The following COL4A6 variants were observed in gnomAD, a reference collection of about 807,000 sequenced individuals.
COL4A6 encodes the protein collagen type IV alpha 6 chain, also known as collagen alpha-6(IV) chain.
COL4A6 carries 59 observed loss-of-function variants against 126.7 expected under a neutral mutation model. That is an observed-to-expected ratio of 0.47 (90% CI 0.38 to 0.58). The LOEUF (loss-of-function observed/expected upper bound fraction) is 0.58, where lower values mean the gene tolerates loss of function less well. Among genes scored for constraint, COL4A6 ranks in the 20% least tolerant of loss-of-function variants. The pLI is 0.00. For missense variants in COL4A6, 1,285 were observed against 1,337.3 expected (o/e 0.96, Z 0.61); for synonymous variants, 547 against 496.6 (o/e 1.10, Z -1.35).
chrX:108,170,592 C>T lies in COL4A6; in HGVS notation c.3493+17G>A, dbSNP rs757543477. 3.8e-5 allele frequency: 44 copies of T among 1,161,988 alleles called. No homozygotes were observed. Among genetic ancestry groups the T allele is most frequent in the Non-Finnish European group, 4.9e-5 (42 of 855,747 alleles). ...GGGAAAGACTTTTCCCCACTGCCTG[C>T]TCCCAAATACACATACCTTTGGGTC... On this transcript the variant is annotated intron_variant, in intron 35 of 44. Coordinates refer to ENST00000334504, the MANE Select transcript of COL4A6 (RefSeq NM_033641.4).
At chrX:108,298,591 G>A (rs372830074) in intron 3 of COL4A6, among the ~76,000 whole-genome samples, 6 of 111,307 alleles carry the variant, frequency 5.4e-5, no homozygotes, top group East Asian at 5.8e-4. Flanking sequence ...AGGATCTTTC[G>A]GGGATGCTGT....
intron 35 of COL4A6, among the ~76,000 whole-genome samples, chrX:108,170,343 C>G (rs1326709464): frequency 1.8e-5 from 2 of 112,047 alleles, no homozygotes; most frequent in African/African-American, 6.5e-5. Flanking sequence ...AACTCACTGC[C>G]CAATCTCTAA....
chrX:108,182,819 C>T (rs147012503), intron 23 of COL4A6, among the ~76,000 whole-genome samples: 1,513 of 112,410 alleles, frequency 0.013, 22 homozygotes, highest in African/African-American at 0.047. Context: ...ATAAAAATAT[C>T]CCTGGGCTGG....
chrX:108,201,824 C>G (rs2035398806), intron 13 of COL4A6, among the ~76,000 whole-genome samples: 1 of 111,477 alleles, frequency 9.0e-6, no homozygotes, highest in African/African-American at 3.3e-5. Flanking sequence ...TCCACCCTTC[C>G]CATTCCCTCT....
At chrX:108,225,778 C>A (rs1367887533) in intron 3 of COL4A6, among the ~76,000 whole-genome samples, 1 of 112,889 alleles carries the variant, frequency 8.9e-6, no homozygotes, top group Non-Finnish European at 1.9e-5. Context: ...AGGGGGCTGA[C>A]TTTTCATAAC....
Position 108,205,360 on chromosome X carries a change from C to T in COL4A6, c.687+79G>A. The T allele has an allele frequency of 6.1e-6, 5 of 816,148 alleles. No homozygotes were observed. The South Asian group carries it at 1.1e-4, about 18-fold the overall frequency. The allele number at this position is 816,148 out of a possible 1,213,427, so 67.3% of individuals were successfully genotyped here. A position where few individuals can be genotyped will look rare whatever the true frequency, so the allele number is the denominator to read the frequency against. On this transcript the variant is annotated intron_variant, in intron 11 of 44. Transcript: ENST00000334504. ...AGGCGAAAAAACAAATCCTCTTACA[C>T]AAGCAGGCACATGTGTGTAATCAGA... is the stretch of plus-strand genomic sequence containing the variant.
At chrX:108,203,052 A>G (rs371739096) in intron 12 of COL4A6, 71 bp from the exon 13 acceptor site, 11 of 897,140 alleles carry the variant, frequency 1.2e-5, no homozygotes, top group Middle Eastern at 3.0e-4. Flanking sequence ...GGCTCTCCAC[A>G]TGTACTTGGA....
At chrX:108,264,002 A>G (rs1214152341) in intron 3 of COL4A6, among the ~76,000 whole-genome samples, 2 of 111,319 alleles carry the variant, frequency 1.8e-5, no homozygotes, top group Admixed American at 9.6e-5. Context: ...TACAACTACT[A>G]TTTGCTATCT....
chrX:108,364,670 C>T (rs958515749), intron 2 of COL4A6, among the ~76,000 whole-genome samples: 24 of 111,505 alleles, frequency 2.2e-4, no homozygotes, highest in Admixed American at 3.8e-4. Context: ...TAAATGAGAA[C>T]GTGTGGTACT....
At position 108,159,450 on chromosome X, in the gene COL4A6, G is replaced by T; in HGVS notation, c.4812+12C>A. ...GCCTCCAACTGGGGGAGGAGACAGT[G>T]CAGGACCTTACCATGAGGAAAGAGT... On this transcript the variant is annotated intron_variant, in intron 44 of 44. Transcript: ENST00000334504. 1 of 1,211,521 alleles carries T rather than the reference G, an allele frequency of 8.3e-7. No homozygotes were observed. Among genetic ancestry groups the T allele is most frequent in the Middle Eastern group, 2.3e-4 (1 of 4,338 alleles).
chrX:108,222,786 A>G, intron 3 of COL4A6, among the ~76,000 whole-genome samples: 1 of 112,130 alleles, frequency 8.9e-6, no homozygotes, highest in East Asian at 2.8e-4. Context: ...TTCAATTTTT[A>G]GGCTCCTACC....
rs1014945598 is a variant in COL4A6, at chrX:108,393,355, T to C, written c.63+44587A>G. On this transcript the variant is annotated intron_variant, in intron 2 of 44. Coordinates refer to ENST00000334504, the MANE Select transcript of COL4A6 (RefSeq NM_033641.4). ...ACCAATTAATGAACACTAAGAACAT[T>C]ATACTAAGTGAAAGAATCCATTTAC... Among the ~76,000 whole-genome samples, 7 of 112,296 alleles carry C rather than the reference T, an allele frequency of 6.2e-5. No homozygotes were observed. The Admixed American group carries it at 6.6e-4, about 11-fold the overall frequency.
At chrX:108,196,399 G>T in intron 14 of COL4A6, 112 bp downstream of exon 14, 1 of 658,758 alleles carries the variant, frequency 1.5e-6, no homozygotes, top group Non-Finnish European at 2.4e-6. Context: ...GGGTTGAGGA[G>T]AAACGAGAAG....
rs760674332 is a variant in COL4A6 at position 108,241,274 on chromosome X, C to A, written c.145-19900G>T. Among the ~76,000 whole-genome samples, 8 of 109,803 alleles carry A rather than the reference C, an allele frequency of 7.3e-5. No homozygotes were observed. In the South Asian group the frequency reaches 3.1e-3, roughly 42 times the overall value. ...CATAAAGATGGTACCATAGAATGCT[C>A]AGAAAAGCTTATGAAGTAGGTACTA... is the stretch of plus-strand genomic sequence containing the variant. On this transcript the variant is annotated intron_variant, in intron 3 of 44. Transcript: ENST00000334504.
chrX:108,215,207 GA>G (rs996613032), intron 5 of COL4A6, among the ~76,000 whole-genome samples: 2 of 112,203 alleles, frequency 1.8e-5, no homozygotes, highest in African/African-American at 6.5e-5. Context: ...TTCTTATAGA[GA>G]AAATATTCTA....
At chrX:108,277,209 A>C (rs762983157) in intron 3 of COL4A6, among the ~76,000 whole-genome samples, 17 of 111,922 alleles carry the variant, frequency 1.5e-4, no homozygotes, top group African/African-American at 4.2e-4. Context: ...GGGAAGCGTA[A>C]GGGGTCAGGG....
intron 2 of COL4A6, among the ~76,000 whole-genome samples, chrX:108,402,344 A>G (rs900132859): frequency 6.3e-5 from 7 of 111,617 alleles, no homozygotes; most frequent in Admixed American, 5.7e-4. Flanking sequence ...TATCCAGAGC[A>G]TATATAGTTA....
At chrX:108,194,660 C>T (rs1211768881) in intron 15 of COL4A6, 73 bp from the exon 16 acceptor site, 2 of 995,908 alleles carry the variant, frequency 2.0e-6, no homozygotes, top group Admixed American at 4.6e-5. Context: ...TGGATTAAGC[C>T]AGGGCAAATG....
At chrX:108,394,591 G>T (rs1055488601) in intron 2 of COL4A6, among the ~76,000 whole-genome samples, 33 of 111,555 alleles carry the variant, frequency 3.0e-4, no homozygotes, top group African/African-American at 1.0e-3. Flanking sequence ...TTCCACTAAA[G>T]CTGTTAGTTC....
Sources: allele counts gnomAD v4.1 joint callset (sites outside exome capture counted in the v4.1 genomes callset), GRCh38; gene constraint gnomAD v4.1.1; transcripts MANE v1.5; gene names NCBI Gene and HGNC (gene_info 2026-07-23, HGNC 2026-07-21).